OR2L13: variants seen among roughly 807,000 people sequenced by gnomAD.
OR2L13 encodes olfactory receptor 2L13.
A neutral mutation model predicts 15.3 loss-of-function variants in OR2L13; 14 were observed. The ratio of observed to expected loss-of-function variants is 0.91; its 90% CI spans 0.60 to 1.43. The LOEUF is 1.43. Among genes scored for constraint, OR2L13 ranks in the 40% most tolerant of loss-of-function variants. The pLI is 0.00. For synonymous variants in OR2L13, 152 were observed against 142.9 expected, an observed-to-expected ratio of 1.06 and a Z score of -0.45; for missense variants, 367 against 387.9, an observed-to-expected ratio of 0.95 and a Z score of 0.45.
At chr1:247,943,733 A>G in the OR2L13 span, among the ~76,000 whole-genome samples, 1 of 152,126 alleles carries the variant, frequency 6.6e-6, no homozygotes, top group Non-Finnish European at 1.5e-5. Context: ...GTGAAACTCC[A>G]CTGTAAGTGA....
At chr1:248,009,387 A>T in the OR2L13 span, among the ~76,000 whole-genome samples, 26 of 152,302 alleles carry the variant, frequency 1.7e-4, no homozygotes, top group African/African-American at 5.5e-4. Context: ...AGAGAATACT[A>T]TAAAGACCTC....
chr1:247,975,509 AC>A, the OR2L13 span: 1 of 989,068 alleles, frequency 1.0e-6, no homozygotes, highest in East Asian at 2.4e-5. Flanking sequence ...TATCCAAGAT[AC>A]CTGCAATCTC....
At chr1:248,021,795 G>A in the OR2L13 span, 1 of 540,082 alleles carries the variant, frequency 1.9e-6, no homozygotes, top group Non-Finnish European at 3.3e-6. Flanking sequence ...ACATATTGAT[G>A]GATATAAAAA....
the OR2L13 span, among the ~76,000 whole-genome samples, chr1:247,985,369 T>C: frequency 1.3e-5 from 2 of 152,276 alleles, no homozygotes; most frequent in East Asian, 1.9e-4. Context: ...GTTTGGTTTT[T>C]TTGTCCTTGC....
the OR2L13 span, among the ~76,000 whole-genome samples, chr1:248,010,853 G>A: frequency 1.6e-5 from 2 of 123,858 alleles, no homozygotes; most frequent in Non-Finnish European, 3.2e-5. Context: ...GTCTTTGCAT[G>A]TGAGATGGGT....
At chr1:247,948,135 C>A in the OR2L13 span, among the ~76,000 whole-genome samples, 2 of 151,920 alleles carry the variant, frequency 1.3e-5, no homozygotes, top group African/African-American at 4.8e-5. Context: ...ATCACTTGAG[C>A]CCAGAAGTTC....
chr1:248,099,357 G>A lies in OR2L13; in HGVS notation c.-18-1G>A, dbSNP rs1334591071. 2 of 1,537,130 alleles carry A rather than the reference G, an allele frequency of 1.3e-6. No individual in the cohort carries two copies. The highest frequency in any genetic ancestry group is 1.8e-6 in the Non-Finnish European group (2 of 1,115,074). ...TTTTGTTTCTATTTCTCTTTCAACA[G>A]TTACAGCAGAAAGTTTTCATGGAGA... is the stretch of plus-strand genomic sequence containing the variant. On this transcript the variant is annotated splice_acceptor_variant, in intron 2 of 2. Transcript: ENST00000641714. LOFTEE classifies it low-confidence loss of function (5UTR_SPLICE).
At chr1:247,969,136 A>G in the OR2L13 span, among the ~76,000 whole-genome samples, 3 of 152,240 alleles carry the variant, frequency 2.0e-5, no homozygotes, top group South Asian at 6.2e-4. Flanking sequence ...TCCTGCATAA[A>G]TGTCTTCTTT....
At chr1:248,067,988 G>C in the OR2L13 span, among the ~76,000 whole-genome samples, 86 of 152,344 alleles carry the variant, frequency 5.6e-4, no homozygotes, top group Middle Eastern at 3.4e-3. Context: ...AACAAAGCAG[G>C]CGGGAAGCTC....
chr1:248,062,834 A>T, the OR2L13 span: 1 of 152,226 alleles, frequency 6.6e-6, no homozygotes, highest in Non-Finnish European at 1.5e-5. Context: ...TTATCAAAGC[A>T]TCACATACAC....
the OR2L13 span, among the ~76,000 whole-genome samples, chr1:248,004,716 C>T: frequency 6.6e-6 from 1 of 152,118 alleles, no homozygotes; most frequent in Non-Finnish European, 1.5e-5. Context: ...TGGAATGTGC[C>T]AGCAGTAATA....
chr1:247,983,606 T>G, the OR2L13 span, among the ~76,000 whole-genome samples: 1 of 152,176 alleles, frequency 6.6e-6, no homozygotes, highest in Non-Finnish European at 1.5e-5. Context: ...TAGACAGATA[T>G]ATAATGGCTG....
At chr1:248,003,858 A>C in the OR2L13 span, 1 of 1,612,700 alleles carries the variant, frequency 6.2e-7, no homozygotes, top group Non-Finnish European at 8.5e-7. Context: ...TGCAGCACCC[A>C]CCTCACTGTA....
At chr1:247,975,478 A>G in the OR2L13 span, 54 of 832,800 alleles carry the variant, frequency 6.5e-5, no homozygotes, top group Non-Finnish European at 1.1e-4. Context: ...CTACTATGCA[A>G]TGTTTGCTTA....
the OR2L13 span, chr1:247,990,895 T>G: frequency 7.4e-6 from 11 of 1,481,368 alleles, no homozygotes; most frequent in Non-Finnish European, 7.5e-6. Context: ...TGTGTTTCCC[T>G]TCATTTGTAT....
the OR2L13 span, chr1:248,038,326 C>G: frequency 6.2e-7 from 1 of 1,613,508 alleles, no homozygotes; most frequent in African/African-American, 1.3e-5. Flanking sequence ...TTCCCACAAT[C>G]AAGAATTGGC....
At chr1:248,051,701 A>G in the OR2L13 span, among the ~76,000 whole-genome samples, 706 of 152,286 alleles carry the variant, frequency 4.6e-3, 7 homozygotes, top group Middle Eastern at 0.024. Flanking sequence ...ATATCCATGT[A>G]ACAAACCACG....
chr1:247,992,497 A>G, the OR2L13 span, among the ~76,000 whole-genome samples: 6 of 152,000 alleles, frequency 3.9e-5, no homozygotes, highest in Admixed American at 6.6e-5. Flanking sequence ...GGTAGTGAAC[A>G]TAGTACCCAA....
At chr1:248,100,080 G>C (rs761705470) in exon 3 of OR2L13, 2 of 1,613,986 alleles carry the variant, frequency 1.2e-6, no homozygotes, top group South Asian at 2.2e-5. Flanking sequence ...GGAGAAAAAA[G>C]GCCTTCACCA....
Sources: gnomAD v4.1 joint callset for allele counts (sites outside exome capture counted in the v4.1 genomes callset) on GRCh38, gnomAD v4.1.1 for gene constraint, MANE v1.5 for transcripts, NCBI Gene and HGNC (gene_info 2026-07-23, HGNC 2026-07-21) for gene names.